CCSER1: variants seen among roughly 807,000 people sequenced by gnomAD.
CCSER1 encodes the protein coiled-coil serine rich protein 1, also known as serine-rich coiled-coil domain-containing protein 1.
A neutral mutation model predicts 82.0 loss-of-function variants in CCSER1; 41 were observed. That is an observed-to-expected ratio of 0.50 (90% confidence interval 0.39 to 0.65). CCSER1 has a LOEUF of 0.65. Ranked by LOEUF, CCSER1 falls within the 30% of genes least tolerant of loss-of-function variation. CCSER1 has a pLI of 0.00. For missense variants in CCSER1, 1,119 were observed against 1,064.2 expected, an observed-to-expected ratio of 1.05 and a Z score of -0.72; for synonymous variants, 414 against 383.9, an observed-to-expected ratio of 1.08 and a Z score of -0.92.
intron 5 of CCSER1, among the ~76,000 whole-genome samples, chr4:90,560,683 G>A (rs1156699288): frequency 1.3e-5 from 2 of 151,868 alleles, no homozygotes; most frequent in African/African-American, 4.8e-5. Flanking sequence ...ATTATATTAA[G>A]TGCCTTTCTC....
chr4:90,772,119 A>G (rs6811504), intron 7 of CCSER1, among the ~76,000 whole-genome samples: 89,129 of 151,930 alleles, frequency 0.59, 26,473 homozygotes, highest in African/African-American at 0.67. Flanking sequence ...AAAAGGAAAT[A>G]ATTTTTCAGA....
intron 10 of CCSER1, among the ~76,000 whole-genome samples, chr4:91,474,477 A>G (rs998464204): frequency 6.6e-6 from 1 of 151,534 alleles, no homozygotes; most frequent in Non-Finnish European, 1.5e-5. Flanking sequence ...AATTCAAATC[A>G]TTCTATTCTA....
rs1344626863 is a variant in CCSER1 at position 91,028,814 on chromosome 4, G to A, written c.2173-57136G>A. 2.0e-5 allele frequency among the ~76,000 whole-genome samples: 3 copies of A among 151,970 alleles called. No homozygotes were observed. The East Asian group carries it at 5.8e-4, about 29-fold the overall frequency. ...AAATTGTTGGTTTGAGACAGATGCA[G>A]TCATAACCAGAGGGAATGCTTTTGC... is the stretch of plus-strand genomic sequence containing the variant. On this transcript the variant is annotated intron_variant, in intron 9 of 10. Transcript: ENST00000509176.
intron 10 of CCSER1, among the ~76,000 whole-genome samples, chr4:91,440,460 G>A (rs71395500): frequency 1.7e-4 from 26 of 152,072 alleles, no homozygotes; most frequent in South Asian, 1.5e-3. Context: ...TCTGGGACAC[G>A]TTCAAAGCAG....
chr4:91,377,112 G>T (rs1750478240), intron 10 of CCSER1, among the ~76,000 whole-genome samples: 1 of 152,098 alleles, frequency 6.6e-6, no homozygotes, highest in South Asian at 2.1e-4. Flanking sequence ...GTATTCCATG[G>T]TATATATGTG....
chr4:90,289,057 A>G (rs116933643), intron 1 of CCSER1, among the ~76,000 whole-genome samples: 2 of 151,848 alleles, frequency 1.3e-5, no homozygotes, highest in African/African-American at 4.8e-5. Context: ...TTTGGATTCC[A>G]GAAGTGAGAA....
intron 10 of CCSER1, among the ~76,000 whole-genome samples, chr4:91,425,380 A>C (rs1247946252): frequency 2.6e-5 from 4 of 152,160 alleles, no homozygotes; most frequent in Admixed American, 2.0e-4. Context: ...AAATCTGTCG[A>C]CATCCCAAGA....
At chr4:91,437,987 C>T (rs976301591) in intron 10 of CCSER1, among the ~76,000 whole-genome samples, 2 of 152,192 alleles carry the variant, frequency 1.3e-5, no homozygotes, top group African/African-American at 4.8e-5. Flanking sequence ...GAAGCTCGAA[C>T]TGGGTGGAGC....
At chr4:90,981,086 G>A (rs1035951398) in intron 9 of CCSER1, among the ~76,000 whole-genome samples, 1 of 151,878 alleles carries the variant, frequency 6.6e-6, no homozygotes, top group African/African-American at 2.4e-5. Context: ...AGAAGTTGGT[G>A]GATAAATATT....
intron 10 of CCSER1, among the ~76,000 whole-genome samples, chr4:91,550,245 A>G (rs1419934072): frequency 6.6e-6 from 1 of 152,098 alleles, no homozygotes; most frequent in Non-Finnish European, 1.5e-5. Context: ...TCTGGTATTT[A>G]TTGTAAGGAC....
intron 10 of CCSER1, among the ~76,000 whole-genome samples, chr4:91,575,620 C>T (rs949857004): frequency 5.3e-5 from 8 of 151,598 alleles, no homozygotes; most frequent in Non-Finnish European, 8.8e-5. Context: ...GTATTTTTCA[C>T]AGAAAAGAAA....
Position 91,504,485 on chromosome 4 carries a change from C to T in CCSER1, c.2218-94087C>T, listed in dbSNP as rs554413277. Among the ~76,000 whole-genome samples the T allele has an allele frequency of 3.9e-5, 6 of 152,176 alleles. No individual in the cohort carries two copies. The South Asian group carries it at 1.2e-3, about 32-fold the overall frequency. On this transcript the variant is annotated intron_variant, in intron 10 of 10. Transcript: ENST00000509176. ...ACATTTGAGTGTCTTAATTGTTATG[C>T]TGGCCTTTAATTCATAAGAAACAGA...
rs149539036 is a variant in CCSER1, at chr4:90,383,597, C to CCA, written c.1510-16427_1510-16426dup. Among the ~76,000 whole-genome samples the CCA allele has an allele frequency of 5.3e-5, 8 of 151,758 alleles. No individual in the cohort carries two copies. In the East Asian group the frequency reaches 1.4e-3, roughly 26 times the overall value. ...AGATTACCTGTAGTATTACCAAAGG[C>CCA]CACACACACACACGAAGGGAAGCGT... On this transcript the variant is annotated intron_variant, in intron 3 of 10. Coordinates refer to ENST00000509176, the MANE Select transcript of CCSER1 (RefSeq NM_001145065.2).
At chr4:90,742,250 A>T (rs1472955970) in intron 7 of CCSER1, among the ~76,000 whole-genome samples, 1 of 152,166 alleles carries the variant, frequency 6.6e-6, no homozygotes, top group Non-Finnish European at 1.5e-5. Flanking sequence ...TTACAATTCA[A>T]CATGAGATTT....
intron 10 of CCSER1, among the ~76,000 whole-genome samples, chr4:91,282,801 C>T (rs1056950755): frequency 6.6e-6 from 1 of 152,052 alleles, no homozygotes; most frequent in Non-Finnish European, 1.5e-5. Flanking sequence ...TGTGGATCCA[C>T]CACTTTAACT....
chr4:90,215,576 T>TA (rs138425015), intron 1 of CCSER1, among the ~76,000 whole-genome samples: 3 of 151,950 alleles, frequency 2.0e-5, no homozygotes, highest in East Asian at 1.9e-4. Context: ...CACACCTGGT[T>TA]AAAAAAAATA....
At chr4:90,264,592 G>A (rs929871572) in intron 1 of CCSER1, among the ~76,000 whole-genome samples, 4 of 152,186 alleles carry the variant, frequency 2.6e-5, no homozygotes, top group Middle Eastern at 3.4e-3. Context: ...CTTTTTGTAG[G>A]TTGTTTTTGT....
intron 7 of CCSER1, among the ~76,000 whole-genome samples, chr4:90,766,758 C>G (rs1751302883): frequency 6.6e-6 from 1 of 152,064 alleles, no homozygotes; most frequent in Non-Finnish European, 1.5e-5. Flanking sequence ...TTTCTGGATT[C>G]CTTCTCTATA....
chr4:91,064,822 G>A (rs566769719), intron 9 of CCSER1, among the ~76,000 whole-genome samples: 3 of 151,942 alleles, frequency 2.0e-5, no homozygotes, highest in Non-Finnish European at 4.4e-5. Flanking sequence ...CTATTTTCCA[G>A]GGACAATACG....
Sources: gnomAD v4.1 joint callset for allele counts (sites outside exome capture counted in the v4.1 genomes callset) on GRCh38, gnomAD v4.1.1 for gene constraint, MANE v1.5 for transcripts, NCBI Gene and HGNC (gene_info 2026-07-23, HGNC 2026-07-21) for gene names.